DPP10: variants seen among roughly 807,000 people sequenced by gnomAD.
DPP10 encodes the protein inactive dipeptidyl peptidase 10.
A neutral mutation model predicts 120.9 loss-of-function variants in DPP10; 33 were observed. The observed-to-expected ratio is 0.27, with a 90% confidence interval of 0.21 to 0.37. The LOEUF (loss-of-function observed/expected upper bound fraction) is 0.37. DPP10 is among the 10% of genes least tolerant of loss of function. The probability of loss-of-function intolerance (pLI) is 1.00; values close to 1 mark genes in which losing one functional copy is unlikely to be tolerated. For missense variants in DPP10, 816 were observed against 942.8 expected (o/e 0.87, Z 1.76); for synonymous variants, 337 against 326.1 (o/e 1.03, Z -0.36).
chr2:114,696,019 T>C (rs1700047793), intron 1 of DPP10, among the ~76,000 whole-genome samples: 1 of 152,070 alleles, frequency 6.6e-6, no homozygotes, highest in Non-Finnish European at 1.5e-5. Context: ...CTTTATCAGT[T>C]TTCATTTTCC....
At chr2:115,516,958 G>C (rs2077537607) in intron 4 of DPP10, among the ~76,000 whole-genome samples, 1 of 152,070 alleles carries the variant, frequency 6.6e-6, no homozygotes, top group African/African-American at 2.4e-5. Flanking sequence ...GATTAACCCT[G>C]ATGTTACCAT....
intron 1 of DPP10, among the ~76,000 whole-genome samples, chr2:114,883,870 T>C (rs899529582): frequency 6.6e-6 from 1 of 152,300 alleles, no homozygotes; most frequent in African/African-American, 2.4e-5. Flanking sequence ...GTTCCTCACA[T>C]GGCATTTGGA....
intron 3 of DPP10, among the ~76,000 whole-genome samples, chr2:115,482,449 A>C (rs910348282): frequency 1.3e-5 from 2 of 151,928 alleles, no homozygotes; most frequent in African/African-American, 4.8e-5. Flanking sequence ...TAGTATATTC[A>C]TAGAATTGTC....
intron 3 of DPP10, among the ~76,000 whole-genome samples, chr2:115,428,535 A>T (rs2070687107): frequency 6.6e-6 from 1 of 151,968 alleles, no homozygotes; most frequent in South Asian, 2.1e-4. Flanking sequence ...TGGTGAGATG[A>T]GGGGTTCAGG....
intron 11 of DPP10, among the ~76,000 whole-genome samples, chr2:115,754,681 A>C (rs535260061): frequency 4.6e-5 from 7 of 152,280 alleles, no homozygotes; most frequent in South Asian, 4.1e-4. Context: ...TTATAATGTC[A>C]ATCATATGAT....
At chr2:114,762,534 C>A (rs1680371538) in intron 1 of DPP10, among the ~76,000 whole-genome samples, 1 of 152,112 alleles carries the variant, frequency 6.6e-6, no homozygotes, top group Admixed American at 6.5e-5. Flanking sequence ...TTTGAGTAGT[C>A]CCATGGAATA....
At chr2:115,517,706 A>G (rs764758374) in intron 4 of DPP10, among the ~76,000 whole-genome samples, 23 of 152,186 alleles carry the variant, frequency 1.5e-4, no homozygotes, top group Admixed American at 3.3e-4. Flanking sequence ...ACGATTGACA[A>G]TACGTGAAGA....
At chr2:115,291,230 C>T (rs1010546897) in intron 1 of DPP10, among the ~76,000 whole-genome samples, 2 of 152,178 alleles carry the variant, frequency 1.3e-5, no homozygotes, top group East Asian at 1.9e-4. Context: ...TCTTGAGCTC[C>T]TGTGCTCAAG....
At chr2:115,175,753 T>TTTAA (rs139537927) in intron 1 of DPP10, among the ~76,000 whole-genome samples, 1,764 of 152,354 alleles carry the variant, frequency 0.012, 29 homozygotes, top group African/African-American at 0.037. Context: ...GGCTATCATG[T>TTTAA]TTAAACACTT....
chr2:115,125,743 CT>C (rs755895320), intron 1 of DPP10, among the ~76,000 whole-genome samples: 9 of 148,188 alleles, frequency 6.1e-5, no homozygotes, highest in South Asian at 4.3e-4. Context: ...GGCTAATTTT[CT>C]TTTTTTTTTC....
At chr2:115,435,415 T>C (rs844541) in intron 3 of DPP10, among the ~76,000 whole-genome samples, 4,693 of 151,954 alleles carry the variant, frequency 0.031, 240 homozygotes, top group African/African-American at 0.11. Flanking sequence ...TGGTGTCTCA[T>C]TGTGGTTTGA....
At chr2:114,897,370 C>T (rs1364847388) in intron 1 of DPP10, among the ~76,000 whole-genome samples, 7 of 152,140 alleles carry the variant, frequency 4.6e-5, no homozygotes, top group Middle Eastern at 3.4e-3. Flanking sequence ...TGGTCCTGGA[C>T]GTTAGACTAA....
At position 114,532,256 on chromosome 2, in the gene DPP10, C is replaced by CAT. The variant is rs66716319; in HGVS notation, c.60+89458_60+89459dup. Among the ~76,000 whole-genome samples, 496 of 85,946 alleles carry CAT rather than the reference C, an allele frequency of 5.8e-3. 10 individuals are homozygous for CAT. The highest frequency in any genetic ancestry group is 0.031 in the Admixed American group (239 of 7,642). The allele number at this position is 85,946 out of a possible 152,430, so 56.4% of individuals were successfully genotyped here. ...CGAGCCAATTCCCATAATAAATCTC[C>CAT]ATATATATATATATATATATATATA... On this transcript the variant is annotated intron_variant, in intron 1 of 25. Transcript: ENST00000410059.
chr2:115,384,703 GAAGA>G (rs1480886219), intron 3 of DPP10, among the ~76,000 whole-genome samples: 1 of 127,986 alleles, frequency 7.8e-6, no homozygotes, highest in South Asian at 2.5e-4. Flanking sequence ...GAAAAAGAAA[GAAGA>G]AAGAAGAAGA....
intron 1 of DPP10, among the ~76,000 whole-genome samples, chr2:114,505,640 T>C (rs1298767334): frequency 6.6e-6 from 1 of 152,138 alleles, no homozygotes; most frequent in East Asian, 1.9e-4. Flanking sequence ...ATCTCCATTT[T>C]ACAAATAATG....
At chr2:114,870,445 T>TA (rs66515219) in intron 1 of DPP10, among the ~76,000 whole-genome samples, 62,382 of 149,112 alleles carry the variant, frequency 0.42, 13,991 homozygotes, top group South Asian at 0.55. Flanking sequence ...ATGTGTAGTG[T>TA]AAAAAAAAAA....
At chr2:115,766,569 A>G (rs1680792285) in intron 12 of DPP10, among the ~76,000 whole-genome samples, 1 of 151,972 alleles carries the variant, frequency 6.6e-6, no homozygotes, top group Non-Finnish European at 1.5e-5. Flanking sequence ...AAACGCATAC[A>G]TACACAAATT....
At chr2:114,717,493 C>A (rs1040980190) in intron 1 of DPP10, among the ~76,000 whole-genome samples, 1 of 152,038 alleles carries the variant, frequency 6.6e-6, no homozygotes, top group African/African-American at 2.4e-5. Context: ...TTGTTCAATA[C>A]AACATTACTT....
At chr2:114,801,645 G>A (rs974535528) in intron 1 of DPP10, among the ~76,000 whole-genome samples, 4 of 152,150 alleles carry the variant, frequency 2.6e-5, no homozygotes, top group Admixed American at 6.5e-5. Context: ...TTAAGCTCTC[G>A]GATGTTAGTT....
Sources: allele counts gnomAD v4.1 joint callset (sites outside exome capture counted in the v4.1 genomes callset), GRCh38; gene constraint gnomAD v4.1.1; transcripts MANE v1.5; gene names NCBI Gene and HGNC (gene_info 2026-07-23, HGNC 2026-07-21).